The following CDK17 variants were observed in gnomAD, a reference collection of about 807,000 sequenced individuals.
CDK17 encodes cyclin dependent kinase 17.
In CDK17, 24 loss-of-function variants were observed where a neutral mutation model predicts 77.6. The observed-to-expected ratio is 0.31, with a 90% CI of 0.22 to 0.44. CDK17 has a LOEUF of 0.44. Among genes scored for constraint, CDK17 ranks in the 20% least tolerant of loss-of-function variants. The probability of loss-of-function intolerance (pLI) is 1.00; values close to 1 mark genes in which losing one functional copy is unlikely to be tolerated. For synonymous variants in CDK17, 203 were observed against 210.4 expected (o/e 0.96, Z 0.30); for missense variants, 429 against 622.5 (o/e 0.69, Z 3.31).
At chr12:96,388,926 G>T (rs190382561) in intron 1 of CDK17, among the ~76,000 whole-genome samples, 1 of 152,014 alleles carries the variant, frequency 6.6e-6, no homozygotes, top group Non-Finnish European at 1.5e-5. Context: ...TAAAACAACC[G>T]ATCTCACATG....
chr12:96,287,182 CAGTG>C (rs1172225198), intron 11 of CDK17, among the ~76,000 whole-genome samples: 3 of 152,040 alleles, frequency 2.0e-5, no homozygotes, highest in Non-Finnish European at 2.9e-5. Context: ...TAGGAGATGA[CAGTG>C]AGTGAAGCTA....
At chr12:96,399,537 C>T (rs1489261686) in intron 1 of CDK17, 2 of 152,102 alleles carry the variant, frequency 1.3e-5, no homozygotes, top group East Asian at 3.9e-4. Context: ...GGACCCGCGC[C>T]CCTTCCTTCC....
rs117092920 is a variant in CDK17, at chr12:96,385,431, G to C, written c.-30+14555C>G. Among the ~76,000 whole-genome samples the C allele has an allele frequency of 1.8e-4, 28 of 152,246 alleles. No homozygotes were observed. In the East Asian group the frequency reaches 4.6e-3, roughly 25 times the overall value. On this transcript the variant is annotated intron_variant, in intron 1 of 16. Transcript: ENST00000261211. ...ACTATGCTCACTACCAGAGTGACAG[G>C]CTCATCCATACCCCAGACCTCAGCA...
rs186134678 is a variant in CDK17 at position 96,338,815 on chromosome 12, A to C, written c.-29-3950T>G. On this transcript the variant is annotated intron_variant, in intron 1 of 16. Transcript: ENST00000261211. The stretch of plus-strand genomic sequence containing the variant: ...TTAAAAAAGTTGTAAAATACACATA[A>C]CAAAATTCACTATCTTTACCATTTT... Among the ~76,000 whole-genome samples the C allele has an allele frequency of 7.3e-3, 1,114 of 152,054 alleles. 7 individuals are homozygous for C. Among genetic ancestry groups the C allele is most frequent in the African/African-American group, 0.025 (1,056 of 41,456 alleles).
chr12:96,391,447 G>A (rs1040303362), intron 1 of CDK17, among the ~76,000 whole-genome samples: 4 of 134,324 alleles, frequency 3.0e-5, no homozygotes, highest in African/African-American at 6.2e-5. Context: ...GAGCCACCAC[G>A]CCCGGCTAAT....
At chr12:96,287,163 ATGGT>A (rs1952257048) in intron 11 of CDK17, among the ~76,000 whole-genome samples, 1 of 152,218 alleles carries the variant, frequency 6.6e-6, no homozygotes, top group African/African-American at 2.4e-5. Flanking sequence ...AAGAGATATT[ATGGT>A]AATCTAGGAG....
chr12:96,318,540 T>G (rs1172920652), intron 3 of CDK17, among the ~76,000 whole-genome samples: 1 of 145,756 alleles, frequency 6.9e-6, no homozygotes, highest in South Asian at 2.4e-4. Flanking sequence ...ATTGACCACA[T>G]AGTTGGAAGT....
intron 4 of CDK17, 113 bp from the exon 5 acceptor site, chr12:96,311,290 C>T: frequency 1.1e-6 from 1 of 901,954 alleles, no homozygotes; most frequent in Non-Finnish European, 1.6e-6. Context: ...AGTTTTATTG[C>T]AGTTGCAAAG....
rs577252645 is a variant in CDK17 at position 96,316,520 on chromosome 12, AAGAC to A, written c.284-3070_284-3067del. ...TGGGGGCAGGGCACAGACAAACAAA[AAGAC>A]AGCAGGAACCTCTGCAGACTTAAAT... On this transcript the variant is annotated intron_variant, in intron 3 of 16. Coordinates refer to ENST00000261211, the MANE Select transcript of CDK17 (RefSeq NM_002595.5). 7.4e-4 allele frequency among the ~76,000 whole-genome samples: 110 copies of A among 149,382 alleles called. 2 individuals carry two copies. In the South Asian group the frequency reaches 0.022, roughly 30 times the overall value.
rs11432005 is a variant in CDK17 at position 96,398,137 on chromosome 12, GT to G, written c.-30+1848del. ...CATAAGCTTAAATTCAAAGACTCCCGTTTTTTTTTAAGCCAACCATTCAAAC... is the reference window on the plus strand; with the variant it reads ...CATAAGCTTAAATTCAAAGACTCCCGTTTTTTTTAAGCCAACCATTCAAAC... On this transcript the variant is annotated intron_variant, in intron 1 of 16. Transcript: ENST00000261211. 5.6e-3 allele frequency among the ~76,000 whole-genome samples: 852 copies of G among 151,052 alleles called. 16 individuals carry two copies. Among genetic ancestry groups the G allele is most frequent in the African/African-American group, 0.02 (814 of 41,218 alleles).
chr12:96,288,856 T>C (rs1952279842), intron 11 of CDK17, among the ~76,000 whole-genome samples: 1 of 152,228 alleles, frequency 6.6e-6, no homozygotes, highest in African/African-American at 2.4e-5. Context: ...AGCACTCTTC[T>C]GAGTGTTCAT....
intron 5 of CDK17, among the ~76,000 whole-genome samples, chr12:96,306,933 A>G (rs2137097162): frequency 6.6e-6 from 1 of 152,360 alleles, no homozygotes; most frequent in South Asian, 2.1e-4. Flanking sequence ...TGGATGCATC[A>G]GTAAAATCCA....
intron 1 of CDK17, among the ~76,000 whole-genome samples, chr12:96,375,827 T>A (rs1423980460): frequency 6.6e-6 from 1 of 152,146 alleles, no homozygotes; most frequent in East Asian, 1.9e-4. Flanking sequence ...ATTACAGTGA[T>A]CCTGACCTCT....
In CDK17 at chr12:96,334,708, C is replaced by T; in HGVS notation, c.118+11G>A. On this transcript the variant is annotated intron_variant, in intron 2 of 16. Coordinates refer to ENST00000261211, the MANE Select transcript of CDK17 (RefSeq NM_002595.5). ...AAGGAGGAAGCATCTCCCCCTATGC[C>T]AAATATTTACCATTATCCTTGCTGC... 1 of 1,462,160 alleles carries T rather than the reference C, an allele frequency of 6.8e-7. No homozygotes were observed. Among genetic ancestry groups the T allele is most frequent in the Non-Finnish European group, 9.6e-7 (1 of 1,044,946 alleles). 90.6% of individuals were successfully genotyped at this position (1,462,160 alleles called of 1,614,324 possible).
intron 15 of CDK17, 178 bp downstream of exon 15, chr12:96,282,327 CAAGA>C: frequency 1.8e-6 from 1 of 548,422 alleles, no homozygotes; most frequent in Non-Finnish European, 3.2e-6. Context: ...CTCAGTGTTA[CAAGA>C]AATAACTGAA....
intron 3 of CDK17, among the ~76,000 whole-genome samples, chr12:96,316,153 G>A (rs931330360): frequency 1.3e-5 from 2 of 152,200 alleles, no homozygotes; most frequent in African/African-American, 4.8e-5. Flanking sequence ...GGAAGCGCAA[G>A]GGGTCAGGGA....
chr12:96,296,012 T>G (rs1412265089), intron 9 of CDK17, among the ~76,000 whole-genome samples: 2 of 152,230 alleles, frequency 1.3e-5, no homozygotes, highest in African/African-American at 2.4e-5. Flanking sequence ...ACGGTATGCC[T>G]GAATGAATTC....
chr12:96,368,378 A>G (rs1953623044), intron 1 of CDK17, among the ~76,000 whole-genome samples: 3 of 152,160 alleles, frequency 2.0e-5, no homozygotes, highest in Admixed American at 2.0e-4. Context: ...TGAGGTCAGG[A>G]GCTTCTAATG....
rs367819696 is a variant in CDK17 at position 96,311,160 on chromosome 12, T to C, written c.435A>G (p.Leu145=). Reference sequence around the variant, plus strand: ...GTATTCTGATGTCTGCAGGCAGTGATAACCGCTTATTTAAATCCTTAAAAA... The same window carrying C: ...GTATTCTGATGTCTGCAGGCAGTGACAACCGCTTATTTAAATCCTTAAAAA... ...RISMEDLNKR[L]SLPADIRIPD... is the part of the protein sequence containing the mutation. Residue 145 remains leucine (L), a synonymous_variant, in exon 5 of 17, where the codon TTA becomes TTG. Transcript: ENST00000261211. 7.1e-5 allele frequency: 110 copies of C among 1,550,262 alleles called. No individual in the cohort carries two copies. Among genetic ancestry groups the C allele is most frequent in the Admixed American group, 2.4e-5 (1 of 41,488 alleles).
Sources: gnomAD v4.1 joint callset for allele counts (sites outside exome capture counted in the v4.1 genomes callset) on GRCh38, gnomAD v4.1.1 for gene constraint, MANE v1.5 for transcripts, NCBI Gene and HGNC (gene_info 2026-07-23, HGNC 2026-07-21) for gene names.